COL25A1: variants seen among roughly 807,000 people sequenced by gnomAD.
COL25A1 encodes collagen alpha-1(XXV) chain.
In COL25A1, 103 loss-of-function variants were observed where a neutral mutation model predicts 128.4. The observed-to-expected ratio is 0.80, with a 90% confidence interval of 0.68 to 0.94. The LOEUF is 0.94. COL25A1 is among the 40% of genes least tolerant of loss of function. COL25A1 has a pLI of 0.00. For missense variants in COL25A1, 745 were observed against 840.0 expected (o/e 0.89, Z 1.40); for synonymous variants, 279 against 277.2 (o/e 1.01, Z -0.06).
chr4:109,270,412 C>T (rs1303413550), intron 3 of COL25A1, among the ~76,000 whole-genome samples: 1 of 152,190 alleles, frequency 6.6e-6, no homozygotes, highest in East Asian at 1.9e-4. Flanking sequence ...CACAAGCATT[C>T]CTATACACCA....
At chr4:109,174,951 T>C (rs779791492) in intron 3 of COL25A1, among the ~76,000 whole-genome samples, 9 of 152,146 alleles carry the variant, frequency 5.9e-5, no homozygotes, top group Middle Eastern at 3.2e-3. Context: ...TAGATTCTCA[T>C]AGGAACATGA....
chr4:109,030,008 C>T (rs1179399346), intron 5 of COL25A1, among the ~76,000 whole-genome samples: 2 of 152,116 alleles, frequency 1.3e-5, no homozygotes, highest in Non-Finnish European at 2.9e-5. Context: ...ATACCTGCTA[C>T]GGACGTTAAT....
chr4:109,111,829 T>C (rs1767051807), intron 3 of COL25A1, among the ~76,000 whole-genome samples: 2 of 152,140 alleles, frequency 1.3e-5, no homozygotes, highest in Admixed American at 6.5e-5. Context: ...TTATGTTATA[T>C]CCACAATACC....
chr4:109,240,143 A>G (rs1779794689), intron 3 of COL25A1, among the ~76,000 whole-genome samples: 1 of 152,104 alleles, frequency 6.6e-6, no homozygotes, highest in Non-Finnish European at 1.5e-5. Context: ...AGCAGTCTAA[A>G]ATAATGATAA....
rs146674796 is a variant in COL25A1, at chr4:109,219,829, C to T, written c.367+80754G>A. On this transcript the variant is annotated intron_variant, in intron 3 of 37. Coordinates refer to ENST00000399132, the MANE Select transcript of COL25A1 (RefSeq NM_198721.4). ...ATAAAATTACAAAGTGCCAATTTAACTTCTGAAAAATCAACTTCTTTTGTT... is the reference window on the plus strand; with the variant it reads ...ATAAAATTACAAAGTGCCAATTTAATTTCTGAAAAATCAACTTCTTTTGTT... Among the ~76,000 whole-genome samples, 49 of 152,238 alleles carry T rather than the reference C, an allele frequency of 3.2e-4. No individual in the cohort carries two copies. In the East Asian group the frequency reaches 8.7e-3, roughly 27 times the overall value.
chr4:108,869,657 T>C (rs1466406261), intron 19 of COL25A1, among the ~76,000 whole-genome samples: 2 of 152,180 alleles, frequency 1.3e-5, no homozygotes, highest in Non-Finnish European at 2.9e-5. Context: ...TATTTGGTGT[T>C]GGAAAATACT....
At chr4:109,028,806 G>A (rs1275933444) in intron 5 of COL25A1, among the ~76,000 whole-genome samples, 1 of 152,114 alleles carries the variant, frequency 6.6e-6, no homozygotes, top group Non-Finnish European at 1.5e-5. Flanking sequence ...TAAGGTAGGA[G>A]GAGCACCTTG....
chr4:109,147,508 A>C (rs888046819), intron 3 of COL25A1, among the ~76,000 whole-genome samples: 27 of 152,178 alleles, frequency 1.8e-4, no homozygotes, highest in African/African-American at 5.8e-4. Flanking sequence ...CTGGGTCTAT[A>C]CTGATAATCC....
At chr4:108,853,455 T>C (rs999174333) in intron 24 of COL25A1, among the ~76,000 whole-genome samples, 2 of 152,116 alleles carry the variant, frequency 1.3e-5, no homozygotes, top group Non-Finnish European at 2.9e-5. Context: ...ATTTCCTTTT[T>C]TTTGGCATTC....
chr4:109,200,181 T>A (rs1776434952), intron 3 of COL25A1, among the ~76,000 whole-genome samples: 2 of 152,206 alleles, frequency 1.3e-5, no homozygotes, highest in African/African-American at 4.8e-5. Context: ...TCGAAGTCTT[T>A]CTCCAGCAGC....
chr4:109,067,692 T>C (rs551635041), intron 3 of COL25A1, among the ~76,000 whole-genome samples: 3 of 152,304 alleles, frequency 2.0e-5, no homozygotes, highest in South Asian at 2.1e-4. Context: ...AGGCCACACA[T>C]GAAAGTAATA....
chr4:109,105,130 G>A (rs1444775415), intron 3 of COL25A1, among the ~76,000 whole-genome samples: 2 of 152,138 alleles, frequency 1.3e-5, no homozygotes, highest in Non-Finnish European at 2.9e-5. Flanking sequence ...ATTATTTTGT[G>A]AAGCTACTCT....
chr4:108,902,725 T>C (rs556883061), intron 13 of COL25A1, among the ~76,000 whole-genome samples: 16 of 152,148 alleles, frequency 1.1e-4, no homozygotes, highest in African/African-American at 3.4e-4. Flanking sequence ...CTGCTTCCTA[T>C]ATAAAGTCAC....
chr4:109,235,136 T>G (rs1052777201), intron 3 of COL25A1, among the ~76,000 whole-genome samples: 1 of 152,172 alleles, frequency 6.6e-6, no homozygotes, highest in Non-Finnish European at 1.5e-5. Flanking sequence ...ACAAGCTCTA[T>G]TCTCAGGAAT....
In COL25A1 at chr4:109,213,070, G is replaced by A. The variant is rs912048635; in HGVS notation, c.367+87513C>T. On this transcript the variant is annotated intron_variant, in intron 3 of 37. Transcript: ENST00000399132. The stretch of plus-strand genomic sequence containing the variant: ...GGGGATGACTTCAAGTGTACCACAA[G>A]GGATTCATGCATCAGTATGTGCTTA... 7.2e-5 allele frequency among the ~76,000 whole-genome samples: 11 copies of A among 152,108 alleles called. 1 individual carries two copies.
At chr4:109,288,960 T>TACACAC (rs748166827) in intron 3 of COL25A1, among the ~76,000 whole-genome samples, 90 of 98,296 alleles carry the variant, frequency 9.2e-4, no homozygotes, top group African/African-American at 2.3e-3. Context: ...CTAAATTATA[T>TACACAC]ATACACACAC....
At chr4:109,126,214 T>G (rs1036143141) in intron 3 of COL25A1, among the ~76,000 whole-genome samples, 3 of 152,196 alleles carry the variant, frequency 2.0e-5, no homozygotes, top group African/African-American at 4.8e-5. Flanking sequence ...AAAACATACT[T>G]TCTTGATAAA....
intron 5 of COL25A1, chr4:109,022,224 T>C (rs751634584): frequency 6.6e-6 from 3 of 452,660 alleles, no homozygotes; most frequent in South Asian, 1.6e-5. Flanking sequence ...CTCTTTGTGC[T>C]CTTTCTCTTT....
intron 3 of COL25A1, among the ~76,000 whole-genome samples, chr4:109,187,200 TACACACACACACAC>T (rs36159924): frequency 6.8e-6 from 1 of 147,820 alleles, no homozygotes; most frequent in East Asian, 2.0e-4. Context: ...TCTTGCTCTC[TACACACACACACAC>T]ACACACACAC....
Sources: allele counts gnomAD v4.1 joint callset (sites outside exome capture counted in the v4.1 genomes callset), GRCh38; gene constraint gnomAD v4.1.1; transcripts MANE v1.5; gene names NCBI Gene and HGNC (gene_info 2026-07-23, HGNC 2026-07-21).